SRGAP3: variants seen among roughly 807,000 people sequenced by gnomAD.
SRGAP3 encodes SLIT-ROBO Rho GTPase activating protein 3.
A neutral mutation model predicts 121.1 loss-of-function variants in SRGAP3; 39 were observed. The observed-to-expected ratio is 0.32, with a 90% CI of 0.25 to 0.42. The LOEUF is 0.42. Ranked by LOEUF, SRGAP3 falls within the 10% of genes least tolerant of loss-of-function variation. The pLI is 1.00. For synonymous variants in SRGAP3, 601 were observed against 570.0 expected, an observed-to-expected ratio of 1.05 and a Z score of -0.77; for missense variants, 1,213 against 1,470.6, an observed-to-expected ratio of 0.82 and a Z score of 2.86.
At chr3:9,127,862 G>A (rs1187181677) in intron 1 of SRGAP3, among the ~76,000 whole-genome samples, 1 of 151,494 alleles carries the variant, frequency 6.6e-6, no homozygotes, top group Non-Finnish European at 1.5e-5. Flanking sequence ...AAGCTTCAGT[G>A]AGCCATGACC....
chr3:9,058,390 C>A lies in SRGAP3; in HGVS notation c.884G>T (p.Arg295Leu). 3 of 1,614,186 alleles carry A rather than the reference C, an allele frequency of 1.9e-6. No homozygotes were observed. The highest frequency in any genetic ancestry group is 2.5e-6 in the Non-Finnish European group (3 of 1,180,032). The change falls in exon 7 of 22, where the codon CGC becomes CTC. Residue 295 changes from arginine (R) to leucine (L), a missense_variant. Coordinates refer to ENST00000383836, the MANE Select transcript of SRGAP3 (RefSeq NM_014850.4). ...LSAEYNLETSRHEGLDVIENA... is the reference protein window; with the variant it reads ...LSAEYNLETSLHEGLDVIENA... ...CTCAATGACATCCAGCCCTTCGTGG[C>A]GAGAGGTCTCCAGGTTGTATTCAGC...
chr3:9,075,168 G>A (rs1435043922), intron 4 of SRGAP3, among the ~76,000 whole-genome samples: 1 of 152,184 alleles, frequency 6.6e-6, no homozygotes, highest in African/African-American at 2.4e-5. Flanking sequence ...ACTGGTCCAC[G>A]TTCTTTACCT....
intron 1 of SRGAP3, among the ~76,000 whole-genome samples, chr3:9,206,790 C>T (rs536832150): frequency 6.6e-6 from 1 of 152,174 alleles, no homozygotes; most frequent in African/African-American, 2.4e-5. Flanking sequence ...CAGCACACCG[C>T]ATCCCCCTAG....
intron 1 of SRGAP3, among the ~76,000 whole-genome samples, chr3:9,342,781 A>G (rs1420021745): frequency 1.3e-5 from 2 of 152,196 alleles, no homozygotes; most frequent in Non-Finnish European, 2.9e-5. Context: ...GGCTTCACTC[A>G]CCCTTGAACT....
At chr3:9,318,060 G>A (rs1234229924) in intron 3 of SRGAP3, among the ~76,000 whole-genome samples, 4 of 151,630 alleles carry the variant, frequency 2.6e-5, no homozygotes, top group Non-Finnish European at 5.9e-5. Context: ...TATAACCTCC[G>A]CTAATTTGAA....
intron 3 of SRGAP3, among the ~76,000 whole-genome samples, chr3:9,294,695 C>CGTGT (rs753452580): frequency 0.13 from 15,955 of 119,746 alleles, 1,149 homozygotes; most frequent in African/African-American, 0.16. Flanking sequence ...TTGAAGCTTT[C>CGTGT]GTGTGTGTGT....
At chr3:9,265,368 A>C (rs1954337290) in intron 3 of SRGAP3, among the ~76,000 whole-genome samples, 1 of 152,228 alleles carries the variant, frequency 6.6e-6, no homozygotes, top group African/African-American at 2.4e-5. Context: ...GCCAAAATTG[A>C]CAAATGGGGT....
rs528312963 is a variant in SRGAP3, at chr3:8,989,411, G to C, written c.2886+1101C>G. Among the ~76,000 whole-genome samples the C allele has an allele frequency of 8.5e-5, 13 of 152,322 alleles. No homozygotes were observed. In the South Asian group the frequency reaches 2.7e-3, roughly 32 times the overall value. ...GTGTGAACAGGAGTACTCATTGCTA[G>C]GTGAGCTGTTTCTGTGTTGTGTATT... On this transcript the variant is annotated intron_variant, in intron 21 of 21. Transcript: ENST00000383836.
intron 19 of SRGAP3, chr3:8,993,879 T>C: frequency 5.4e-6 from 1 of 184,358 alleles, no homozygotes; most frequent in East Asian, 1.4e-4. Context: ...GCATTTGGGA[T>C]GCAGGGCTCT....
At chr3:9,290,016 C>G (rs894955203) in intron 3 of SRGAP3, among the ~76,000 whole-genome samples, 7 of 152,102 alleles carry the variant, frequency 4.6e-5, no homozygotes, top group African/African-American at 1.7e-4. Flanking sequence ...GAGGCTGAGA[C>G]AGGAGAATCG....
chr3:9,069,108 G>A (rs1018675134), intron 4 of SRGAP3, among the ~76,000 whole-genome samples: 3 of 152,292 alleles, frequency 2.0e-5, no homozygotes, highest in Admixed American at 2.0e-4. Context: ...CCCAGAGCCT[G>A]GGCCTACTGA....
At chr3:9,141,968 G>A (rs1326655171) in intron 1 of SRGAP3, among the ~76,000 whole-genome samples, 1 of 152,198 alleles carries the variant, frequency 6.6e-6, no homozygotes, top group Admixed American at 6.5e-5. Context: ...GTTGCCTAAT[G>A]GCTTAATAAT....
At chr3:9,096,844 A>C (rs1424382380) in intron 3 of SRGAP3, among the ~76,000 whole-genome samples, 1 of 147,172 alleles carries the variant, frequency 6.8e-6, no homozygotes, top group Non-Finnish European at 1.5e-5. Flanking sequence ...ATTTCTTCTC[A>C]AAGTCCAAAT....
intron 1 of SRGAP3, among the ~76,000 whole-genome samples, chr3:9,331,862 T>G (rs4053782): frequency 0.27 from 41,528 of 151,986 alleles, 6,138 homozygotes; most frequent in African/African-American, 0.36. Context: ...CCAAATGAAT[T>G]AACCCATATA....
chr3:9,111,387 C>A (rs922885793), intron 2 of SRGAP3, among the ~76,000 whole-genome samples: 4 of 152,202 alleles, frequency 2.6e-5, no homozygotes, highest in African/African-American at 7.2e-5. Flanking sequence ...GGTGGGCTGG[C>A]GGGAGAAGGC....
chr3:9,058,161 T>G (rs747714144), intron 7 of SRGAP3, 90 bp downstream of exon 7: 74 of 1,435,742 alleles, frequency 5.2e-5, no homozygotes, highest in Non-Finnish European at 7.2e-5. Context: ...GATAGAAACT[T>G]TCTGTACGTG....
intron 10 of SRGAP3, among the ~76,000 whole-genome samples, chr3:9,039,503 C>A (rs1409123160): frequency 6.6e-6 from 1 of 152,174 alleles, no homozygotes; most frequent in African/African-American, 2.4e-5. Context: ...ATTTATATAT[C>A]ATAAAATTTA....
At chr3:9,348,509 A>T (rs1156882035) in intron 1 of SRGAP3, 1 of 745,582 alleles carries the variant, frequency 1.3e-6, no homozygotes, top group African/African-American at 1.7e-5. Context: ...GAACCGCTTC[A>T]GCAGCTGGTA....
chr3:9,356,151 T>G (rs927005425), intron 1 of SRGAP3, among the ~76,000 whole-genome samples: 3 of 151,724 alleles, frequency 2.0e-5, no homozygotes, highest in Admixed American at 6.6e-5. Flanking sequence ...GATAGAGAGA[T>G]ATTTCCTGAA....
Sources: allele counts gnomAD v4.1 joint callset (sites outside exome capture counted in the v4.1 genomes callset), GRCh38; gene constraint gnomAD v4.1.1; transcripts MANE v1.5; gene names NCBI Gene and HGNC (gene_info 2026-07-23, HGNC 2026-07-21).